The following CLSTN1 variants were observed in gnomAD, a reference collection of about 807,000 sequenced individuals.
CLSTN1 encodes calsyntenin-1.
A neutral mutation model predicts 108.3 loss-of-function variants in CLSTN1; 28 were observed. The observed-to-expected ratio is 0.26, with a 90% CI of 0.19 to 0.35. The LOEUF is 0.35. Among genes scored for constraint, CLSTN1 ranks in the 10% least tolerant of loss-of-function variants. The pLI, the probability that CLSTN1 is intolerant of heterozygous loss-of-function variation, is 1.00. For synonymous variants in CLSTN1, 524 were observed against 534.9 expected (o/e 0.98, Z 0.28); for missense variants, 1,157 against 1,302.6 (o/e 0.89, Z 1.72).
At chr1:9,778,595 G>C (rs975076140) in intron 1 of CLSTN1, among the ~76,000 whole-genome samples, 4 of 152,056 alleles carry the variant, frequency 2.6e-5, no homozygotes, top group Non-Finnish European at 4.4e-5. Context: ...AGTTATGGAA[G>C]GTTAGATTAC....
intron 1 of CLSTN1, among the ~76,000 whole-genome samples, chr1:9,790,673 C>T (rs934372908): frequency 6.6e-6 from 1 of 151,376 alleles, no homozygotes; most frequent in African/African-American, 2.4e-5. Flanking sequence ...AAATATTACG[C>T]ATATTTCGGA....
chr1:9,737,864 A>G (rs1027831420), intron 10 of CLSTN1, among the ~76,000 whole-genome samples: 31 of 152,192 alleles, frequency 2.0e-4, no homozygotes, highest in African/African-American at 5.5e-4. Context: ...CCCCTCCCCA[A>G]TCCGTGCTAT....
chr1:9,756,918 A>AC lies in CLSTN1; in HGVS notation c.215-409dup, dbSNP rs1204176079. On this transcript the variant is annotated intron_variant, in intron 2 of 18. Transcript: ENST00000377298. ...CTCAGCCTCCCGAGTAGCTGGGACT[A>AC]CAGGCGCCCGCCACCACGCCCGGAT... 2.0e-5 allele frequency among the ~76,000 whole-genome samples: 3 copies of AC among 151,874 alleles called. No individual in the cohort carries two copies. In the East Asian group the frequency reaches 5.8e-4, roughly 29 times the overall value.
intron 2 of CLSTN1, among the ~76,000 whole-genome samples, chr1:9,768,239 T>C (rs1444078040): frequency 9.0e-6 from 1 of 110,600 alleles, no homozygotes; most frequent in African/African-American, 3.5e-5. Flanking sequence ...GGGGGCGGGG[T>C]TCTGTGTTCG....
In CLSTN1 at chr1:9,823,722, G is replaced by A. The variant is rs1655284023; in HGVS notation, c.12C>T (p.Arg4=). The change falls in exon 1 of 19, where the codon CGC becomes CGT. Residue 4 remains arginine (R), a synonymous_variant. Coordinates refer to ENST00000377298, the MANE Select transcript of CLSTN1 (RefSeq NM_001009566.3). This position sits in a 1 kb window ranked among gnomAD's most constrained non-coding sequence, Gnocchi z 6.3. Reference sequence around the variant, plus strand: ...CGGCCGGGGCCAGCGCGGGAGCGGGGCGGCGCAGCATCGCCAGCCCGGGGC... The same window carrying A: ...CGGCCGGGGCCAGCGCGGGAGCGGGACGGCGCAGCATCGCCAGCCCGGGGC... MLR[R]PAPALAPAAR... 2.8e-6 allele frequency: 3 copies of A among 1,085,120 alleles called. No individual in the cohort carries two copies. The highest frequency in any genetic ancestry group is 6.1e-5 in the East Asian group (1 of 16,334). 67.2% of individuals were successfully genotyped at this position (1,085,120 alleles called of 1,614,324 possible).
At chr1:9,744,695 C>A in intron 7 of CLSTN1, 52 bp from the exon 8 acceptor site, 1 of 1,543,568 alleles carries the variant, frequency 6.5e-7, no homozygotes, top group South Asian at 1.2e-5. Context: ...AGGTCCCGCG[C>A]ACCTCAAGCC....
Position 9,729,513 on chromosome 1 carries a change from G to A in CLSTN1, c.*995C>T, listed in dbSNP as rs1300452329. On this transcript the variant is annotated 3_prime_UTR_variant, in exon 19 of 19. Transcript: ENST00000377298. ...GCCATGCGTCTCTCCTGGACGTTCT[G>A]AGTACGGATCGCTCAGGCCTCCTGC... The A allele has an allele frequency of 1.3e-5, 2 of 151,366 alleles. No homozygotes were observed. Among genetic ancestry groups the A allele is most frequent in the African/African-American group, 5.0e-5 (2 of 40,316 alleles). 9.4% of individuals were successfully genotyped at this position (151,366 alleles called of 1,614,324 possible). A position where few individuals can be genotyped will look rare whatever the true frequency, so the allele number is the denominator to read the frequency against.
At chr1:9,812,560 T>C (rs980037655) in intron 1 of CLSTN1, among the ~76,000 whole-genome samples, 4 of 152,060 alleles carry the variant, frequency 2.6e-5, no homozygotes, top group African/African-American at 9.7e-5. Context: ...TAAAAACCTA[T>C]TGCTGGCTGG....
intron 1 of CLSTN1, among the ~76,000 whole-genome samples, chr1:9,808,019 T>C (rs952262167): frequency 6.6e-6 from 1 of 152,196 alleles, no homozygotes; most frequent in African/African-American, 2.4e-5. Context: ...GCCACTCCAA[T>C]GCCTCCCACC....
At chr1:9,784,885 T>C (rs528188931) in intron 1 of CLSTN1, among the ~76,000 whole-genome samples, 5 of 152,276 alleles carry the variant, frequency 3.3e-5, no homozygotes, top group African/African-American at 1.2e-4. Context: ...CAGCTGATTC[T>C]TTTTTTCCTC....
intron 1 of CLSTN1, among the ~76,000 whole-genome samples, chr1:9,821,702 T>C (rs1215497882): frequency 6.6e-6 from 1 of 152,232 alleles, no homozygotes; most frequent in Non-Finnish European, 1.5e-5. Context: ...AATTTACATA[T>C]GAAATTCACT....
intron 1 of CLSTN1, among the ~76,000 whole-genome samples, chr1:9,794,693 T>G (rs780446093): frequency 6.6e-6 from 1 of 151,442 alleles, no homozygotes; most frequent in East Asian, 2.0e-4. Context: ...ATTTCCTATT[T>G]TGCAATGTTA....
At chr1:9,787,993 A>G (rs1653574402) in intron 1 of CLSTN1, among the ~76,000 whole-genome samples, 1 of 151,374 alleles carries the variant, frequency 6.6e-6, no homozygotes, top group East Asian at 2.0e-4. Context: ...GGTGGCTCAA[A>G]CCTGTAATCC....
At chr1:9,805,086 C>T (rs1467683025) in intron 1 of CLSTN1, among the ~76,000 whole-genome samples, 1 of 151,916 alleles carries the variant, frequency 6.6e-6, no homozygotes, top group East Asian at 1.9e-4. Flanking sequence ...CGCCATAGTA[C>T]TCCAGCCTGG....
intron 1 of CLSTN1, among the ~76,000 whole-genome samples, chr1:9,791,523 C>T (rs965450806): frequency 6.6e-6 from 1 of 151,360 alleles, no homozygotes; most frequent in African/African-American, 2.4e-5. Context: ...AGTGAGCCAC[C>T]ATGCCCGGCC....
At chr1:9,785,360 CT>C (rs1372078095) in intron 1 of CLSTN1, among the ~76,000 whole-genome samples, 6 of 152,030 alleles carry the variant, frequency 3.9e-5, no homozygotes, top group African/African-American at 1.4e-4. Context: ...AGACTGAACA[CT>C]GCCAAAGAAT....
chr1:9,785,196 CAG>C (rs767630757), intron 1 of CLSTN1, among the ~76,000 whole-genome samples: 27 of 152,144 alleles, frequency 1.8e-4, no homozygotes, highest in Non-Finnish European at 3.5e-4. Flanking sequence ...TTAGCGGAGA[CAG>C]GGTTTCACCA....
Position 9,733,421 on chromosome 1 carries a change from T to C in CLSTN1, c.2407A>G (p.Ser803Gly). The change falls in exon 16 of 19, where the codon AGC becomes GGC. Residue 803 changes from serine (S) to glycine (G), a missense_variant. Physicochemically the swap from Ser to Gly is moderately conservative, Grantham distance 56. Transcript: ENST00000377298. Reference protein sequence around the residue: ...ICSELNGRYISNEFKVEVNVI... With the variant: ...ICSELNGRYIGNEFKVEVNVI... The stretch of plus-strand genomic sequence containing the variant: ...CTCACCTCCACCTTAAATTCGTTGC[T>C]GATGTAGCGGCCATTCAGCTCTGAG... 1 of 1,614,230 alleles carries C rather than the reference T, an allele frequency of 6.2e-7. No individual in the cohort carries two copies. Among genetic ancestry groups the C allele is most frequent in the Non-Finnish European group, 8.5e-7 (1 of 1,180,038 alleles).
intron 1 of CLSTN1, among the ~76,000 whole-genome samples, chr1:9,798,791 A>G (rs530238609): frequency 2.0e-5 from 3 of 152,328 alleles, no homozygotes; most frequent in African/African-American, 7.2e-5. Context: ...AATCTGTCCT[A>G]ATAACAAGTA....
Sources: gnomAD v4.1 joint callset for allele counts (sites outside exome capture counted in the v4.1 genomes callset) on GRCh38, gnomAD v4.1.1 for gene constraint, Gnocchi (gnomAD v3.1) non-coding constraint, MANE v1.5 for transcripts, NCBI Gene and HGNC (gene_info 2026-07-23, HGNC 2026-07-21) for gene names.